Variants in LPP observed in about 807,000 individuals in gnomAD.
The protein encoded by LPP is LIM domain containing preferred translocation partner in lipoma.
Under a neutral mutation model 60.4 loss-of-function variants are expected in LPP, and 38 were observed. The observed-to-expected ratio is 0.63, with a 90% CI of 0.49 to 0.83. LPP has a LOEUF of 0.83. Among genes scored for constraint, LPP ranks in the 40% least tolerant of loss-of-function variants. The pLI is 0.00. For missense variants in LPP, 902 were observed against 783.6 expected (o/e 1.15, Z -1.80); for synonymous variants, 328 against 290.8 (o/e 1.13, Z -1.30).
At chr3:188,367,102 T>C (rs1014769143) in intron 3 of LPP, among the ~76,000 whole-genome samples, 1 of 152,088 alleles carries the variant, frequency 6.6e-6, no homozygotes, top group African/African-American at 2.4e-5. Context: ...TTCACCATGT[T>C]AGCCAGGATG....
intron 4 of LPP, among the ~76,000 whole-genome samples, chr3:188,433,108 C>T (rs1791362159): frequency 6.6e-6 from 1 of 151,458 alleles, no homozygotes; most frequent in Admixed American, 6.6e-5. Flanking sequence ...TAACTCAGAA[C>T]ATTTTTTTAG....
chr3:188,356,450 T>C (rs1002372880), intron 3 of LPP, among the ~76,000 whole-genome samples: 1 of 152,122 alleles, frequency 6.6e-6, no homozygotes, highest in African/African-American at 2.4e-5. Context: ...GCTCCAATGA[T>C]TGAGTGTGGG....
intron 1 of LPP, among the ~76,000 whole-genome samples, chr3:188,181,893 C>T (rs1313456439): frequency 6.6e-6 from 1 of 152,090 alleles, no homozygotes; most frequent in Non-Finnish European, 1.5e-5. Context: ...TGGCCATGTA[C>T]ATACTGTTTT....
chr3:188,754,227 A>G (rs528735365), intron 8 of LPP, among the ~76,000 whole-genome samples: 3 of 152,260 alleles, frequency 2.0e-5, no homozygotes, highest in African/African-American at 7.2e-5. Flanking sequence ...ATATAAGTAA[A>G]CCACTTTCTC....
chr3:188,652,753 C>T (rs1852357054), intron 7 of LPP, among the ~76,000 whole-genome samples: 1 of 151,996 alleles, frequency 6.6e-6, no homozygotes, highest in African/African-American at 2.4e-5. Flanking sequence ...AATAATTAAA[C>T]ATCCCCTGGT....
chr3:188,843,653 G>C (rs917497230), intron 9 of LPP, among the ~76,000 whole-genome samples: 15 of 150,364 alleles, frequency 1.0e-4, no homozygotes, highest in South Asian at 2.1e-4. Context: ...CGGGCGCAGT[G>C]GGGGGCGCCT....
chr3:188,388,296 T>G (rs952665809), intron 3 of LPP, among the ~76,000 whole-genome samples: 2 of 152,242 alleles, frequency 1.3e-5, no homozygotes, highest in Non-Finnish European at 2.9e-5. Flanking sequence ...TTTCCCTACA[T>G]TTCGTGCAAT....
chr3:188,545,611 A>G lies in LPP; in HGVS notation c.429+20824A>G, dbSNP rs138886571. Among the ~76,000 whole-genome samples, 375 of 152,204 alleles carry G rather than the reference A, an allele frequency of 2.5e-3. 4 individuals are homozygous for G. Among genetic ancestry groups the G allele is most frequent in the African/African-American group, 8.7e-3 (360 of 41,536 alleles). ...GATTCACTTTCAAGATGCTTTACTC[A>G]TGGCTGGCAGTTTGGTGTTAGAAGT... On this transcript the variant is annotated intron_variant, in intron 6 of 11. Coordinates refer to ENST00000617246, the MANE Select transcript of LPP (RefSeq NM_001375462.1).
intron 4 of LPP, among the ~76,000 whole-genome samples, chr3:188,452,884 TC>T (rs772794212): frequency 1.2e-4 from 18 of 152,300 alleles, no homozygotes; most frequent in Non-Finnish European, 2.1e-4. Flanking sequence ...CTTTTATATC[TC>T]TTTCTCGTAC....
At chr3:188,450,510 C>T (rs892402960) in intron 4 of LPP, among the ~76,000 whole-genome samples, 4 of 151,968 alleles carry the variant, frequency 2.6e-5, no homozygotes, top group African/African-American at 4.8e-5. Flanking sequence ...TTTGGGAGGC[C>T]GAGGCAGGTG....
At chr3:188,751,387 A>G (rs968308103) in intron 8 of LPP, among the ~76,000 whole-genome samples, 1 of 152,236 alleles carries the variant, frequency 6.6e-6, no homozygotes, top group African/African-American at 2.4e-5. Flanking sequence ...TTTTTCTGTT[A>G]GCAGATCAAT....
intron 4 of LPP, among the ~76,000 whole-genome samples, chr3:188,447,520 GA>G (rs1795511116): frequency 6.7e-6 from 1 of 149,036 alleles, no homozygotes; most frequent in Non-Finnish European, 1.5e-5. Context: ...TGAGGCAGGA[GA>G]ATTACTTGAA....
At chr3:188,357,397 C>T (rs7629708) in intron 3 of LPP, among the ~76,000 whole-genome samples, 4,335 of 151,920 alleles carry the variant, frequency 0.029, 206 homozygotes, top group African/African-American at 0.1. Flanking sequence ...AGAGTGGTTA[C>T]GTCTATAGTT....
intron 7 of LPP, chr3:188,688,735 G>A (rs1861425944): frequency 4.2e-6 from 2 of 473,784 alleles, no homozygotes; most frequent in African/African-American, 2.0e-5. Context: ...CTTTTGCATG[G>A]TAGACAACAT....
intron 7 of LPP, among the ~76,000 whole-genome samples, chr3:188,667,608 A>G (rs1856081356): frequency 6.6e-6 from 1 of 151,022 alleles, no homozygotes; most frequent in African/African-American, 2.4e-5. Context: ...TAGAAATGCT[A>G]TGAAGCCAGT....
chr3:188,369,048 G>A (rs1268228280), intron 3 of LPP, among the ~76,000 whole-genome samples: 1 of 152,082 alleles, frequency 6.6e-6, no homozygotes, highest in African/African-American at 2.4e-5. Context: ...ATATTGCCTG[G>A]TTATAAATCA....
Position 188,546,865 on chromosome 3 carries a change from TC to T in LPP, c.429+22079del, listed in dbSNP as rs546515489. Among the ~76,000 whole-genome samples, 386 of 152,312 alleles carry T rather than the reference TC, an allele frequency of 2.5e-3. 1 individual carries two copies. The highest frequency in any genetic ancestry group is 3.9e-3 in the Non-Finnish European group (265 of 68,018). The stretch of plus-strand genomic sequence containing the variant: ...AAAATTTACTTATTTATTGTAAACT[TC>T]ATCAAACCAACAATTGTTAAGCCCC... On this transcript the variant is annotated intron_variant, in intron 6 of 11. Transcript: ENST00000617246.
Position 188,503,547 on chromosome 3 carries a change from T to G in LPP, c.306+18843T>G, listed in dbSNP as rs369891017. ...TGTATTTCTTTGTATGATTTTTGAGTTACTCTGTAGTATCATTTCTTCTCA... is the reference window on the plus strand; with the variant it reads ...TGTATTTCTTTGTATGATTTTTGAGGTACTCTGTAGTATCATTTCTTCTCA... On this transcript the variant is annotated intron_variant, in intron 5 of 11. Transcript: ENST00000617246. 6.8e-4 allele frequency among the ~76,000 whole-genome samples: 104 copies of G among 152,272 alleles called. 4 individuals carry two copies. The South Asian group carries it at 0.021, about 31-fold the overall frequency.
intron 7 of LPP, among the ~76,000 whole-genome samples, chr3:188,617,097 G>A (rs1321994014): frequency 6.6e-6 from 1 of 152,140 alleles, no homozygotes; most frequent in African/African-American, 2.4e-5. Flanking sequence ...TTTGCTTGCT[G>A]ATTGAAAAAG....
Sources: gnomAD v4.1 joint callset for allele counts (sites outside exome capture counted in the v4.1 genomes callset) on GRCh38, gnomAD v4.1.1 for gene constraint, MANE v1.5 for transcripts, NCBI Gene and HGNC (gene_info 2026-07-23, HGNC 2026-07-21) for gene names.